Variants in PRELID2 observed in about 807,000 individuals in gnomAD.
The protein encoded by PRELID2 is PRELI domain containing 2.
A neutral mutation model predicts 28.4 loss-of-function variants in PRELID2; 25 were observed. The observed-to-expected ratio is 0.88, with a 90% CI of 0.64 to 1.23. PRELID2 has a LOEUF of 1.23. Among genes scored for constraint, PRELID2 ranks in the 50% most tolerant of loss-of-function variants. The pLI is 0.00. For synonymous variants in PRELID2, 76 were observed against 71.6 expected (o/e 1.06, Z -0.31); for missense variants, 201 against 214.4 (o/e 0.94, Z 0.39).
At chr5:145,290,254 A>G in the PRELID2 span, among the ~76,000 whole-genome samples, 1 of 152,190 alleles carries the variant, frequency 6.6e-6, no homozygotes, top group East Asian at 1.9e-4. Flanking sequence ...TACTGAGTAT[A>G]CACCCAAAGG....
chr5:145,545,962 A>G (rs1752783533), intron 1 of PRELID2, among the ~76,000 whole-genome samples: 2 of 152,162 alleles, frequency 1.3e-5, no homozygotes, highest in Admixed American at 1.3e-4. Context: ...ATCCAAATCT[A>G]TAGATAATCT....
the PRELID2 span, among the ~76,000 whole-genome samples, chr5:145,396,644 A>G: frequency 1.3e-5 from 2 of 152,168 alleles, no homozygotes; most frequent in African/African-American, 2.4e-5. Context: ...TTAATAGATA[A>G]AAAGCTAGGG....
chr5:145,350,471 G>A, the PRELID2 span, among the ~76,000 whole-genome samples: 1 of 152,166 alleles, frequency 6.6e-6, no homozygotes, highest in Non-Finnish European at 1.5e-5. Context: ...CAGGAAGATA[G>A]CTAGCCTGTA....
intron 1 of PRELID2, among the ~76,000 whole-genome samples, chr5:145,677,193 C>T (rs1754837667): frequency 8.3e-6 from 1 of 120,538 alleles, no homozygotes; most frequent in Non-Finnish European, 1.6e-5. Flanking sequence ...CTCATTCTGT[C>T]ATCCAGGCTG....
At chr5:145,628,007 A>C (rs12653168) in intron 1 of PRELID2, among the ~76,000 whole-genome samples, 17,842 of 152,188 alleles carry the variant, frequency 0.12, 1,398 homozygotes, top group Admixed American at 0.21. Flanking sequence ...CCAATAAAAA[A>C]CATCCTTATT....
chr5:145,369,448 A>T, the PRELID2 span, among the ~76,000 whole-genome samples: 1 of 152,036 alleles, frequency 6.6e-6, no homozygotes, highest in Non-Finnish European at 1.5e-5. Context: ...AAAGGACATG[A>T]TCTCATTCCT....
the PRELID2 span, among the ~76,000 whole-genome samples, chr5:145,373,413 CAT>C: frequency 1.6e-5 from 1 of 62,742 alleles, no homozygotes; most frequent in Non-Finnish European, 2.7e-5. Context: ...TATATTACAA[CAT>C]ATATAATATA....
At chr5:145,412,625 A>G in the PRELID2 span, among the ~76,000 whole-genome samples, 1 of 152,178 alleles carries the variant, frequency 6.6e-6, no homozygotes, top group African/African-American at 2.4e-5. Flanking sequence ...TGAGTCCTCC[A>G]AACTGTTCCA....
At chr5:145,719,884 T>C (rs1755940880) in intron 1 of PRELID2, among the ~76,000 whole-genome samples, 1 of 151,364 alleles carries the variant, frequency 6.6e-6, no homozygotes, top group Non-Finnish European at 1.5e-5. Flanking sequence ...AATCAGATCA[T>C]CAAAATCTAA....
chr5:145,245,531 A>T, the PRELID2 span, among the ~76,000 whole-genome samples: 57 of 152,094 alleles, frequency 3.7e-4, no homozygotes, highest in African/African-American at 1.3e-3. Context: ...AGTCCAAAGC[A>T]GTTACAATTC....
chr5:145,736,668 G>A (rs1756505533), intron 1 of PRELID2, among the ~76,000 whole-genome samples: 1 of 152,094 alleles, frequency 6.6e-6, no homozygotes, highest in African/African-American at 2.4e-5. Context: ...GGGACAGAGG[G>A]CAGCAGATAG....
At chr5:145,619,563 G>A (rs1180468829) in intron 1 of PRELID2, among the ~76,000 whole-genome samples, 1 of 152,156 alleles carries the variant, frequency 6.6e-6, no homozygotes, top group East Asian at 1.9e-4. Flanking sequence ...TGTCTCCCAG[G>A]TCCTGTAGGA....
At chr5:145,609,028 C>T (rs1171707991) in intron 1 of PRELID2, among the ~76,000 whole-genome samples, 1 of 152,162 alleles carries the variant, frequency 6.6e-6, no homozygotes, top group Non-Finnish European at 1.5e-5. Context: ...CTCTGAGATT[C>T]TCTCCTCAGC....
At chr5:145,825,303 G>A (rs1426013090) in intron 1 of PRELID2, among the ~76,000 whole-genome samples, 5 of 143,030 alleles carry the variant, frequency 3.5e-5, no homozygotes, top group African/African-American at 1.0e-4. Flanking sequence ...CAGCCCTTCC[G>A]AGTTACATGC....
intron 1 of PRELID2, among the ~76,000 whole-genome samples, chr5:145,705,123 T>C (rs1008609008): frequency 1.3e-5 from 2 of 151,990 alleles, no homozygotes; most frequent in Non-Finnish European, 2.9e-5. Flanking sequence ...TTAAATAAAA[T>C]AACGATGCTT....
chr5:145,776,993 G>A (rs1349135792), intron 5 of PRELID2, among the ~76,000 whole-genome samples: 2 of 152,168 alleles, frequency 1.3e-5, no homozygotes, highest in Non-Finnish European at 2.9e-5. Flanking sequence ...TTGGTGAACT[G>A]CAAGGGTGGG....
intron 1 of PRELID2, among the ~76,000 whole-genome samples, chr5:145,668,720 C>T (rs1754645813): frequency 1.3e-5 from 2 of 152,186 alleles, no homozygotes; most frequent in South Asian, 4.1e-4. Context: ...GAAAGTGGCT[C>T]AAAGACTGTA....
the PRELID2 span, among the ~76,000 whole-genome samples, chr5:145,457,020 T>C: frequency 2.6e-5 from 4 of 152,250 alleles, no homozygotes; most frequent in South Asian, 8.3e-4. Flanking sequence ...TAAGAGTGCC[T>C]CAGAAGGCCC....
At chr5:145,481,623 C>CAAAAAAAAAAAAAAAAAAAAAAAAGA (rs1752160583) in intron 1 of PRELID2, among the ~76,000 whole-genome samples, 1 of 41,862 alleles carries the variant, frequency 2.4e-5, no homozygotes, top group Non-Finnish European at 3.8e-5. Context: ...GCAAGGAAAT[C>CAAAAAAAAAAAAAAAAAAAAAAAAGA]AAAAAAAAAA....
Sources: gnomAD v4.1 joint callset for allele counts (sites outside exome capture counted in the v4.1 genomes callset) on GRCh38, gnomAD v4.1.1 for gene constraint, MANE v1.5 for transcripts, NCBI Gene and HGNC (gene_info 2026-07-23, HGNC 2026-07-21) for gene names.